P3H1: variants seen among roughly 807,000 people sequenced by gnomAD.
P3H1 encodes the protein prolyl 3-hydroxylase 1.
P3H1 carries 69 observed loss-of-function variants against 84.0 expected under a neutral mutation model. The observed-to-expected ratio is 0.82, with a 90% CI of 0.68 to 1.00. The LOEUF is 1.00. Ranked by LOEUF, P3H1 falls within the 50% of genes least tolerant of loss-of-function variation. P3H1 has a pLI of 0.00. For missense variants in P3H1, 878 were observed against 962.8 expected (o/e 0.91, Z 1.17); for synonymous variants, 366 against 388.8 (o/e 0.94, Z 0.69).
chr1:42,762,512 A>G (rs1652776197), intron 1 of P3H1, 37 bp from the exon 2 acceptor site: 19 of 1,611,136 alleles, frequency 1.2e-5, no homozygotes, highest in Non-Finnish European at 1.5e-5. Flanking sequence ...TAATGCTCAC[A>G]TCCAATCTCT....
At position 42,757,797 on chromosome 1, in the gene P3H1, T is replaced by C; in HGVS notation, c.1066A>G (p.Ile356Val). Residue 356 changes from isoleucine (I) to valine (V), a missense_variant, in exon 5 of 15, where the codon ATC (isoleucine) becomes GTC (valine). By Grantham distance (29) the Ile-to-Val change is conservative. Coordinates refer to ENST00000296388, the MANE Select transcript of P3H1 (RefSeq NM_022356.4). ...AMLGEEHTRS[I>V]GPRESAKEYR... ...AAGTCTCTCACCTCACGGGGGCCGATGGATCTGGTGTGTTCTTCTCCAAGC... is the reference window on the plus strand; with the variant it reads ...AAGTCTCTCACCTCACGGGGGCCGACGGATCTGGTGTGTTCTTCTCCAAGC... The C allele has an allele frequency of 1.2e-6, 2 of 1,614,248 alleles. No individual in the cohort carries two copies. The highest frequency in any genetic ancestry group is 1.7e-6 in the Non-Finnish European group (2 of 1,180,042).
Position 42,750,659 on chromosome 1 carries a change from T to A in P3H1, c.1570-323A>T, listed in dbSNP as rs71518462. ...CGTCCGGGAGGGAGGCCGGGGGGGG[T>A]GGTCGGCCAGCCGCCCCGTCCGGGA... is the stretch of plus-strand genomic sequence containing the variant. On this transcript the variant is annotated intron_variant, in intron 10 of 14. Coordinates refer to ENST00000296388, the MANE Select transcript of P3H1 (RefSeq NM_022356.4). Among the ~76,000 whole-genome samples, 2 of 41,916 alleles carry A rather than the reference T, an allele frequency of 4.8e-5. 1 individual carries two copies. Among genetic ancestry groups the A allele is most frequent in the Non-Finnish European group, 9.9e-5 (2 of 20,146 alleles). The allele number at this position is 41,916 out of a possible 152,430, so 27.5% of individuals were successfully genotyped here.
At chr1:42,748,503 T>C in intron 11 of P3H1, 186 bp from the exon 12 acceptor site, 2 of 648,596 alleles carry the variant, frequency 3.1e-6, no homozygotes, top group South Asian at 3.3e-5. Context: ...CCTAGGACAG[T>C]TCTTGGCAGA....
intron 11 of P3H1, chr1:42,748,833 C>G (rs567519569): frequency 8.7e-6 from 2 of 229,834 alleles, no homozygotes; most frequent in South Asian, 6.5e-5. Context: ...GGGAACAGAC[C>G]GGGCTCACTG....
In P3H1 at chr1:42,754,898, G is replaced by C; in HGVS notation, c.1316C>G (p.Ser439Ter). 6.2e-7 allele frequency: 1 copy of C among 1,614,130 alleles called. No individual in the cohort carries two copies. The highest frequency in any genetic ancestry group is 1.3e-5 in the African/African-American group (1 of 75,028). The change falls in exon 8 of 15, where the codon TCA becomes TGA. Residue 439 changes from serine to a stop codon, truncating the protein, a stop_gained. Coordinates refer to ENST00000296388, the MANE Select transcript of P3H1 (RefSeq NM_022356.4). LOFTEE classifies it high-confidence loss of function. The surrounding 1 kb of genome is among the most constrained non-coding windows in gnomAD (Gnocchi z 4.0). ...CCGGGTCAGTCTGCTCACATCCAGT[G>C]ACTCCTTGGTCTTCTCTTCCACAAG... ...ETLVEEKTKE[S>*]LDVSRLTREG...
chr1:42,750,949 G>C (rs1472631245), intron 10 of P3H1, among the ~76,000 whole-genome samples: 5 of 132,034 alleles, frequency 3.8e-5, no homozygotes, highest in Admixed American at 7.2e-5. Flanking sequence ...GGTGGTGGGG[G>C]GGTCAGCCCC....
At chr1:42,748,505 C>A (rs1251742321) in intron 11 of P3H1, 188 bp from the exon 12 acceptor site, 2 of 646,248 alleles carry the variant, frequency 3.1e-6, no homozygotes, top group Non-Finnish European at 5.7e-6. Flanking sequence ...TAGGACAGTT[C>A]TTGGCAGAAG....
intron 6 of P3H1, 92 bp from the exon 7 acceptor site, chr1:42,755,309 C>T (rs1570468599): frequency 4.0e-6 from 5 of 1,248,066 alleles, no homozygotes; most frequent in South Asian, 3.7e-5. Flanking sequence ...CAGGAGTAAT[C>T]CAGCTTATCA....
intron 12 of P3H1, 35 bp from the exon 13 acceptor site, chr1:42,747,833 C>T (rs1410295271): frequency 1.9e-6 from 3 of 1,594,156 alleles, no homozygotes; most frequent in Admixed American, 3.3e-5. Context: ...CATGGCCCTT[C>T]CCTGCCTCCC....
intron 1 of P3H1, among the ~76,000 whole-genome samples, chr1:42,764,979 T>A (rs1187744307): frequency 6.6e-6 from 1 of 152,202 alleles, no homozygotes; most frequent in Non-Finnish European, 1.5e-5. Context: ...TCCTCTCTTG[T>A]GGACAAATGT....
In P3H1 at chr1:42,746,527, T is replaced by G; in HGVS notation, c.*170A>C. ...ATCCAGGGGGTGCGGTGTCTGGTCA[T>G]GTCCACTCCAAGAGCAGTAGCACCA... On this transcript the variant is annotated 3_prime_UTR_variant, in exon 15 of 15. Coordinates refer to ENST00000296388, the MANE Select transcript of P3H1 (RefSeq NM_022356.4). 1.6e-6 allele frequency: 1 copy of G among 641,122 alleles called. No individual in the cohort carries two copies. The highest frequency in any genetic ancestry group is 2.6e-5 in the Admixed American group (1 of 38,846). The allele number at this position is 641,122 out of a possible 1,614,324, so 39.7% of individuals were successfully genotyped here. A position where few individuals can be genotyped will look rare whatever the true frequency, so the allele number is the denominator to read the frequency against.
chr1:42,751,050 G>A (rs1045668122), intron 10 of P3H1, among the ~76,000 whole-genome samples: 4 of 119,910 alleles, frequency 3.3e-5, no homozygotes, highest in Non-Finnish European at 5.3e-5. Flanking sequence ...GCCCAGCCAC[G>A]ACCCCGTCTG....
At chr1:42,751,573 A>AT (rs1652084564) in intron 10 of P3H1, 1 of 124,956 alleles carries the variant, frequency 8.0e-6, no homozygotes, top group African/African-American at 3.4e-5. Context: ...AATAAAAAAA[A>AT]AATAAATAAA....
chr1:42,762,064 C>T, intron 2 of P3H1: 2 of 447,782 alleles, frequency 4.5e-6, no homozygotes, highest in Non-Finnish European at 8.2e-6. Context: ...CAATGTTATA[C>T]AATGAACATT....
Position 42,747,435 on chromosome 1 carries a change from G to C in P3H1, c.1915-23C>G, listed in dbSNP as rs74588317. 1.1e-3 allele frequency: 1,750 copies of C among 1,603,770 alleles called. 30 individuals are homozygous for C. In the East Asian group the frequency reaches 0.03, roughly 27 times the overall value. On this transcript the variant is annotated intron_variant, in intron 13 of 14. Transcript: ENST00000296388. ...TGCCTAAGGGGGACAGAAAGGGAGG[G>C]GGGTTGCACAGGACAAAGACTGTAA...
At chr1:42,759,122 G>A in intron 3 of P3H1, 79 bp downstream of exon 3, 2 of 1,567,942 alleles carry the variant, frequency 1.3e-6, no homozygotes, top group Non-Finnish European at 1.8e-6. Context: ...AGGGTGAAGA[G>A]TCCCCATTTA....
At chr1:42,752,234 C>T (rs759693191) in intron 10 of P3H1, 40 bp downstream of exon 10, 4 of 1,533,728 alleles carry the variant, frequency 2.6e-6, no homozygotes, top group Non-Finnish European at 2.7e-6. Context: ...CCTTCCCCAC[C>T]CCTTTCTCCA....
Position 42,752,647 on chromosome 1 carries a change from C to T in P3H1, c.1363G>A (p.Glu455Lys), listed in dbSNP as rs746983037. 1.9e-6 allele frequency: 3 copies of T among 1,614,206 alleles called. No individual in the cohort carries two copies. The highest frequency in any genetic ancestry group is 2.5e-6 in the Non-Finnish European group (3 of 1,180,038). ...GAGTTCATGGTGAGACTGATGCCTTCATACAGCAGGGGGCCACCTGCAAAG... is the reference window on the plus strand; with the variant it reads ...GAGTTCATGGTGAGACTGATGCCTTTATACAGCAGGGGGCCACCTGCAAAG... ...LTREGGPLLY[E>K]GISLTMNSKL... Residue 455 changes from glutamate (E) to lysine (K), a missense_variant, in exon 9 of 15, where the codon GAA becomes AAA. Glu to Lys is a moderately conservative substitution (Grantham distance 56, BLOSUM62 1). Coordinates refer to ENST00000296388, the MANE Select transcript of P3H1 (RefSeq NM_022356.4).
rs534205400 is a variant in P3H1, at chr1:42,756,336, T to TA, written c.1081-700dup. Reference sequence around the variant, plus strand: ...ACCAGACCACACCCCTCCCTGAGGATAAGCAGCTAAAGGGGAGGGCCTGGC... The same window carrying TA: ...ACCAGACCACACCCCTCCCTGAGGATAAAGCAGCTAAAGGGGAGGGCCTGGC... On this transcript the variant is annotated intron_variant, in intron 5 of 14. Transcript: ENST00000296388. 1,090 of 153,728 alleles carry TA rather than the reference T, an allele frequency of 7.1e-3. 7 individuals carry two copies. Among genetic ancestry groups the TA allele is most frequent in the Non-Finnish European group, 0.013 (861 of 68,344 alleles). The allele number at this position is 153,728 out of a possible 1,614,324, so 9.5% of individuals were successfully genotyped here.
Sources: allele counts gnomAD v4.1 joint callset (sites outside exome capture counted in the v4.1 genomes callset), GRCh38; gene constraint gnomAD v4.1.1; non-coding constraint Gnocchi (gnomAD v3.1); transcripts MANE v1.5; gene names NCBI Gene and HGNC (gene_info 2026-07-23, HGNC 2026-07-21).